FRAS1: variants seen among roughly 807,000 people sequenced by gnomAD.
FRAS1 encodes extracellular matrix organizing protein FRAS1.
A neutral mutation model predicts 435.2 loss-of-function variants in FRAS1; 290 were observed. The ratio of observed to expected loss-of-function variants is 0.67; its 90% CI spans 0.61 to 0.73. The LOEUF is 0.73. Among genes scored for constraint, FRAS1 ranks in the 30% least tolerant of loss-of-function variants. The pLI is 0.00. For synonymous variants in FRAS1, 1,800 were observed against 1,851.0 expected (o/e 0.97, Z 0.71); for missense variants, 4,860 against 5,001.5 (o/e 0.97, Z 0.85).
chr4:78,345,834 A>T (rs991456449), intron 20 of FRAS1, among the ~76,000 whole-genome samples: 4 of 150,334 alleles, frequency 2.7e-5, no homozygotes, highest in Admixed American at 6.7e-5. Context: ...AAAGAACATG[A>T]CCTATGCTTA....
intron 58 of FRAS1, among the ~76,000 whole-genome samples, chr4:78,487,624 A>G (rs1720211579): frequency 6.6e-6 from 1 of 152,196 alleles, no homozygotes; most frequent in Non-Finnish European, 1.5e-5. Context: ...CTTAATACAG[A>G]GCAAATGATT....
intron 2 of FRAS1, among the ~76,000 whole-genome samples, chr4:78,222,469 G>T (rs1237288523): frequency 6.6e-6 from 1 of 152,174 alleles, no homozygotes; most frequent in Admixed American, 6.5e-5. Flanking sequence ...TTGACTGCAG[G>T]GCAGAAAGAA....
rs17003219 is a variant in FRAS1, at chr4:78,438,550, C to A, written c.5218-20C>A. On this transcript the variant is annotated intron_variant, in intron 38 of 73. Coordinates refer to ENST00000512123, the MANE Select transcript of FRAS1 (RefSeq NM_025074.7). ...CCTGCAAATGTGCGTTCATGTCCTG[C>A]CTCATGTTTGCCTCATTAGGATGAT... The A allele has an allele frequency of 7.8e-4, 1,256 of 1,613,482 alleles. 10 individuals are homozygous for A. The African/African-American group carries it at 0.016, about 20-fold the overall frequency.
At chr4:78,214,546 T>C (rs995558116) in intron 2 of FRAS1, among the ~76,000 whole-genome samples, 3 of 152,216 alleles carry the variant, frequency 2.0e-5, no homozygotes, top group Non-Finnish European at 4.4e-5. Flanking sequence ...CTTCATTGTA[T>C]CTGAACATCC....
intron 2 of FRAS1, among the ~76,000 whole-genome samples, chr4:78,092,985 C>T (rs1179135786): frequency 6.6e-6 from 1 of 152,174 alleles, no homozygotes; most frequent in Non-Finnish European, 1.5e-5. Flanking sequence ...AGGAAAAAAA[C>T]TCAGCAGGCT....
At chr4:78,403,657 G>A (rs190200621) in intron 30 of FRAS1, among the ~76,000 whole-genome samples, 1 of 152,256 alleles carries the variant, frequency 6.6e-6, no homozygotes, top group Admixed American at 6.5e-5. Flanking sequence ...TGTGCATGAA[G>A]GACCTGAGTT....
chr4:78,224,849 A>G (rs1478241894), intron 2 of FRAS1, among the ~76,000 whole-genome samples: 4 of 152,216 alleles, frequency 2.6e-5, no homozygotes, highest in Non-Finnish European at 2.9e-5. Flanking sequence ...AACTTTTGTA[A>G]TGACATTTTA....
chr4:78,509,081 C>A, intron 63 of FRAS1, 75 bp downstream of exon 63: 2 of 1,515,260 alleles, frequency 1.3e-6, no homozygotes, highest in South Asian at 1.2e-5. Context: ...CTCAGATAAT[C>A]AAATTCCTTA....
chr4:78,323,595 G>A (rs545093053), intron 18 of FRAS1, among the ~76,000 whole-genome samples: 47 of 152,248 alleles, frequency 3.1e-4, no homozygotes, highest in African/African-American at 1.1e-3. Flanking sequence ...AGGTCTGTAG[G>A]GGGAGGGGTT....
chr4:78,117,158 C>T (rs1157931118), intron 2 of FRAS1, among the ~76,000 whole-genome samples: 2 of 152,168 alleles, frequency 1.3e-5, no homozygotes, highest in Non-Finnish European at 2.9e-5. Context: ...TGAATATTGG[C>T]CCCCACTCTC....
chr4:78,377,091 A>C (rs1449211922), intron 26 of FRAS1, among the ~76,000 whole-genome samples: 1 of 152,176 alleles, frequency 6.6e-6, no homozygotes, highest in African/African-American at 2.4e-5. Flanking sequence ...AGAGAAGTGA[A>C]TTTAAATTCA....
At chr4:78,387,824 C>G (rs1357672499) in intron 29 of FRAS1, 123 bp downstream of exon 29, 1 of 664,412 alleles carries the variant, frequency 1.5e-6, no homozygotes, top group African/African-American at 1.8e-5. Context: ...CAAATATAAC[C>G]TATTATATAG....
At chr4:78,371,090 T>TG (rs1491404659) in intron 23 of FRAS1, among the ~76,000 whole-genome samples, 4 of 146,410 alleles carry the variant, frequency 2.7e-5, no homozygotes, top group Non-Finnish European at 6.0e-5. Context: ...TCTGTTTTTT[T>TG]GTTTTTTTTT....
At chr4:78,426,101 G>A (rs931444820) in intron 35 of FRAS1, among the ~76,000 whole-genome samples, 4 of 152,272 alleles carry the variant, frequency 2.6e-5, no homozygotes, top group Admixed American at 2.6e-4. Context: ...AAAAAAAGTA[G>A]ATGATCTGCT....
chr4:78,382,054 G>A (rs76077606), intron 27 of FRAS1, among the ~76,000 whole-genome samples: 2,654 of 152,228 alleles, frequency 0.017, 99 homozygotes, highest in African/African-American at 0.06. Context: ...GACACTGACC[G>A]TGATTCTTTA....
chr4:78,443,990 A>G (rs1416823239), intron 41 of FRAS1: 2 of 344,224 alleles, frequency 5.8e-6, no homozygotes, highest in Non-Finnish European at 1.1e-5. Flanking sequence ...CTGGGACTAC[A>G]GGCATCCGCC....
intron 4 of FRAS1, among the ~76,000 whole-genome samples, chr4:78,251,170 C>T (rs1725513335): frequency 6.6e-6 from 1 of 152,134 alleles, no homozygotes; most frequent in South Asian, 2.1e-4. Flanking sequence ...CTTTTATTGG[C>T]CCACAGTTTG....
intron 6 of FRAS1, 100 bp from the exon 7 acceptor site, chr4:78,264,925 T>A: frequency 1.4e-6 from 1 of 735,694 alleles, no homozygotes; most frequent in Non-Finnish European, 2.4e-6. Flanking sequence ...TTATAGATGC[T>A]TGGGGGCATG....
intron 4 of FRAS1, among the ~76,000 whole-genome samples, chr4:78,246,552 G>A (rs1725259226): frequency 6.6e-6 from 1 of 152,346 alleles, no homozygotes; most frequent in Admixed American, 6.5e-5. Context: ...GTAGGGTGGT[G>A]TTGTCTTTAA....
Sources: gnomAD v4.1 joint callset for allele counts (sites outside exome capture counted in the v4.1 genomes callset) on GRCh38, gnomAD v4.1.1 for gene constraint, MANE v1.5 for transcripts, NCBI Gene and HGNC (gene_info 2026-07-23, HGNC 2026-07-21) for gene names.